Variants in NFASC observed in about 807,000 individuals in gnomAD.
The protein encoded by NFASC is neurofascin homolog.
In NFASC, 43 loss-of-function variants were observed where a neutral mutation model predicts 147.5. That is an observed-to-expected ratio of 0.29 (90% CI 0.23 to 0.38). NFASC has a LOEUF of 0.38. Ranked by LOEUF, NFASC falls within the 10% of genes least tolerant of loss-of-function variation. The pLI is 1.00. For synonymous variants in NFASC, 622 were observed against 665.5 expected, an observed-to-expected ratio of 0.93 and a Z score of 1.01; for missense variants, 1,320 against 1,689.0, an observed-to-expected ratio of 0.78 and a Z score of 3.83.
chr1:204,889,218 A>G (rs964152111), intron 1 of NFASC, among the ~76,000 whole-genome samples: 5 of 152,256 alleles, frequency 3.3e-5, no homozygotes, highest in Non-Finnish European at 7.3e-5. Context: ...AAAATGATAC[A>G]ATATTCTTTT....
At chr1:204,980,593 C>G (rs1440179542) in intron 20 of NFASC, among the ~76,000 whole-genome samples, 153 bp downstream of exon 20, 1 of 152,178 alleles carries the variant, frequency 6.6e-6, no homozygotes, top group African/African-American at 2.4e-5. Context: ...AACCAAGCTC[C>G]TCTCTGAGTT....
In NFASC at chr1:205,002,001, T is replaced by G. The variant is rs548535415; in HGVS notation, c.3137-595T>G. On this transcript the variant is annotated intron_variant, in intron 26 of 29. Coordinates refer to ENST00000339876, the MANE Select transcript of NFASC (RefSeq NM_001005388.3). ...GCAAAGCTGACTTAGTTCTCTCTGGTTGGAGGAGGAGTTCACATCCACAGC... is the reference window on the plus strand; with the variant it reads ...GCAAAGCTGACTTAGTTCTCTCTGGGTGGAGGAGGAGTTCACATCCACAGC... 2.0e-5 allele frequency among the ~76,000 whole-genome samples: 3 copies of G among 152,300 alleles called. No individual in the cohort carries two copies. The East Asian group carries it at 5.8e-4, about 29-fold the overall frequency.
At chr1:204,934,295 C>A (rs1409307585) in intron 2 of NFASC, among the ~76,000 whole-genome samples, 1 of 151,882 alleles carries the variant, frequency 6.6e-6, no homozygotes, top group Non-Finnish European at 1.5e-5. Flanking sequence ...TAGAGGTGGG[C>A]AGGAGGAAGG....
chr1:205,000,724 G>GGTC, intron 25 of NFASC: 2 of 189,910 alleles, frequency 1.1e-5, no homozygotes, highest in Non-Finnish European at 2.2e-5. Flanking sequence ...CTACTTGGGA[G>GGTC]GCTGAGGCAG....
In NFASC at chr1:205,020,919, A is replaced by T. The variant is rs2096396444; in HGVS notation, c.*4380A>T. The T allele has an allele frequency of 6.6e-6, 1 of 151,354 alleles. No homozygotes were observed. Among genetic ancestry groups the T allele is most frequent in the African/African-American group, 2.4e-5 (1 of 41,094 alleles). 9.4% of individuals were successfully genotyped at this position (151,354 alleles called of 1,614,324 possible). On this transcript the variant is annotated 3_prime_UTR_variant, in exon 30 of 30. Transcript: ENST00000339876. ...GGCCAGCCCCAGCCAAACACACAAA[A>T]GCCCATGGTTGCGGTTGCATCTACA...
chr1:204,977,582 A>G (rs1169619540), intron 16 of NFASC, 99 bp from the exon 17 acceptor site: 1 of 1,076,102 alleles, frequency 9.3e-7, no homozygotes, highest in African/African-American at 1.5e-5. Flanking sequence ...CTCAGCCCAG[A>G]GGCAGCTGTT....
At chr1:204,993,250 T>A (rs1328732311) in intron 24 of NFASC, among the ~76,000 whole-genome samples, 3 of 152,224 alleles carry the variant, frequency 2.0e-5, no homozygotes, top group African/African-American at 7.2e-5. Context: ...CTGTAGTCTC[T>A]TAGGATTGCT....
intron 1 of NFASC, among the ~76,000 whole-genome samples, chr1:204,890,632 T>C (rs536486667): frequency 4.6e-5 from 7 of 151,408 alleles, no homozygotes; most frequent in African/African-American, 1.7e-4. Context: ...TATAATAGCA[T>C]GATCTCTGCT....
intron 1 of NFASC, among the ~76,000 whole-genome samples, chr1:204,900,059 T>C (rs926735342): frequency 2.6e-5 from 4 of 152,218 alleles, no homozygotes; most frequent in African/African-American, 9.7e-5. Flanking sequence ...CCAGTGTTAT[T>C]GTTGAGGTGG....
Position 204,968,346 on chromosome 1 carries a change from C to A in NFASC, c.804C>A (p.Cys268Ter). The change falls in exon 9 of 30, where the codon TGC (cysteine) becomes TGA (stop). Residue 268 changes from cysteine (C) to a stop codon, truncating the protein, a stop_gained. Transcript: ENST00000339876. LOFTEE classifies it high-confidence loss of function. The surrounding 1 kb of genome is among the most constrained non-coding windows in gnomAD (Gnocchi z 5.4). The stretch of plus-strand genomic sequence containing the variant: ...GTGGCATGGACCTCCTGCTGGAATG[C>A]ATCGCCTCCGGGGTGTATGTGCGGT... ...VLRGMDLLLE[C>*]IASGVPTPDI... is the part of the protein sequence containing the mutation. 6.2e-7 allele frequency: 1 copy of A among 1,613,252 alleles called. No individual in the cohort carries two copies. The highest frequency in any genetic ancestry group is 8.5e-7 in the Non-Finnish European group (1 of 1,179,182).
At chr1:204,941,366 T>C (rs2093352616) in intron 2 of NFASC, among the ~76,000 whole-genome samples, 1 of 152,256 alleles carries the variant, frequency 6.6e-6, no homozygotes, top group South Asian at 2.1e-4. Flanking sequence ...TGCTAAATAG[T>C]GAATTTAAAA....
At position 205,016,650 on chromosome 1, in the gene NFASC, T is replaced by A; in HGVS notation, c.*111T>A. ...CCACCACCACCTTCAGTAACAAGGGTACGATATGGGGGTCTGCCAAGCTGT... is the reference window on the plus strand; with the variant it reads ...CCACCACCACCTTCAGTAACAAGGGAACGATATGGGGGTCTGCCAAGCTGT... On this transcript the variant is annotated 3_prime_UTR_variant, in exon 30 of 30. Coordinates refer to ENST00000339876, the MANE Select transcript of NFASC (RefSeq NM_001005388.3). The surrounding 1 kb of genome is among the most constrained non-coding windows in gnomAD (Gnocchi z 5.1). The A allele has an allele frequency of 1.3e-6, 1 of 784,962 alleles. No individual in the cohort carries two copies. Among genetic ancestry groups the A allele is most frequent in the South Asian group, 1.4e-5 (1 of 69,776 alleles). 48.6% of individuals were successfully genotyped at this position (784,962 alleles called of 1,614,324 possible). A position where few individuals can be genotyped will look rare whatever the true frequency, so the allele number is the denominator to read the frequency against.
intron 2 of NFASC, among the ~76,000 whole-genome samples, chr1:204,938,020 G>A (rs550944216): frequency 1.6e-3 from 242 of 152,320 alleles, no homozygotes; most frequent in Non-Finnish European, 1.7e-3. Context: ...GCCATGTCTC[G>A]ACGCTGCCAG....
intron 1 of NFASC, among the ~76,000 whole-genome samples, chr1:204,841,455 A>G (rs761263084): frequency 3.3e-5 from 5 of 152,156 alleles, no homozygotes; most frequent in Non-Finnish European, 5.9e-5. Flanking sequence ...AGAGATTCCA[A>G]TCTTCTGTTA....
intron 1 of NFASC, among the ~76,000 whole-genome samples, chr1:204,876,996 G>GTGTATATATATATATATA (rs1242156320): frequency 1.3e-5 from 1 of 74,682 alleles, no homozygotes; most frequent in African/African-American, 5.8e-5. Context: ...GGCTAAATAT[G>GTGTATATATATATATATA]TATATATATA....
chr1:204,989,087 G>A, intron 23 of NFASC: 1 of 480,994 alleles, frequency 2.1e-6, no homozygotes, highest in Non-Finnish European at 3.8e-6. Flanking sequence ...TCTTGTAGAG[G>A]AATAAGGAAG....
intron 1 of NFASC, among the ~76,000 whole-genome samples, chr1:204,917,434 A>G (rs2089519847): frequency 1.3e-5 from 2 of 152,192 alleles, no homozygotes; most frequent in Admixed American, 1.3e-4. Flanking sequence ...CATCCTTGTC[A>G]ATAATTATCA....
At chr1:204,849,760 C>G (rs1347322266) in intron 1 of NFASC, among the ~76,000 whole-genome samples, 1 of 152,146 alleles carries the variant, frequency 6.6e-6, no homozygotes, top group African/African-American at 2.4e-5. Context: ...GACTGCCTTC[C>G]CAAGAGTGAA....
At chr1:204,930,101 G>C (rs888208601) in intron 2 of NFASC, among the ~76,000 whole-genome samples, 1 of 152,170 alleles carries the variant, frequency 6.6e-6, no homozygotes, top group African/African-American at 2.4e-5. Flanking sequence ...GCCTCAGGAT[G>C]AAAGAGAAAG....
Sources: allele counts gnomAD v4.1 joint callset (sites outside exome capture counted in the v4.1 genomes callset), GRCh38; gene constraint gnomAD v4.1.1; non-coding constraint Gnocchi (gnomAD v3.1); transcripts MANE v1.5; gene names NCBI Gene and HGNC (gene_info 2026-07-23, HGNC 2026-07-21).